BLTP1: variants seen among roughly 807,000 people sequenced by gnomAD.
BLTP1 encodes the protein fragile site-associated protein.
chr4:122,175,996 C>A, the BLTP1 span: 6 of 776,010 alleles, frequency 7.7e-6, no homozygotes, highest in Non-Finnish European at 1.3e-5. Context: ...TTAGATATGA[C>A]CAGTTAGAAA....
At chr4:122,234,232 C>A in the BLTP1 span, 2 of 601,568 alleles carry the variant, frequency 3.3e-6, no homozygotes, top group African/African-American at 2.0e-5. Flanking sequence ...AGGAGTAGAC[C>A]TCGATATTAT....
At chr4:122,343,001 C>CA in the BLTP1 span, among the ~76,000 whole-genome samples, 188 of 152,252 alleles carry the variant, frequency 1.2e-3, 1 homozygote, top group African/African-American at 4.5e-3. Context: ...GCCCTGTTTC[C>CA]ACTGCACCTA....
chr4:122,160,190 A>G, the BLTP1 span, among the ~76,000 whole-genome samples: 2 of 152,184 alleles, frequency 1.3e-5, no homozygotes, highest in African/African-American at 2.4e-5. Flanking sequence ...GCTTTTTGTA[A>G]TATTCATAGG....
At chr4:122,328,620 A>C in the BLTP1 span, 3 of 979,198 alleles carry the variant, frequency 3.1e-6, no homozygotes, top group Non-Finnish European at 3.6e-6. Flanking sequence ...TAAAATGGAA[A>C]TAAAGATGTG....
At chr4:122,319,387 G>A in the BLTP1 span, among the ~76,000 whole-genome samples, 44 of 151,532 alleles carry the variant, frequency 2.9e-4, no homozygotes, top group East Asian at 4.3e-3. Context: ...TTGCTGTGTC[G>A]CACTAATTTT....
chr4:122,168,157 G>C, the BLTP1 span, among the ~76,000 whole-genome samples: 1 of 152,108 alleles, frequency 6.6e-6, no homozygotes, highest in South Asian at 2.1e-4. Flanking sequence ...TTCTCTTAAA[G>C]GCTTTGCATT....
At chr4:122,183,180 A>G in the BLTP1 span, 1 of 429,912 alleles carries the variant, frequency 2.3e-6, no homozygotes. Flanking sequence ...TACAAAAAAT[A>G]CAAAAATTAG....
At chr4:122,252,211 C>T in the BLTP1 span, among the ~76,000 whole-genome samples, 1 of 152,176 alleles carries the variant, frequency 6.6e-6, no homozygotes, top group Admixed American at 6.5e-5. Context: ...TAGGTGTGAC[C>T]TAGCACGTTC....
chr4:122,159,887 T>A, the BLTP1 span, among the ~76,000 whole-genome samples: 2 of 152,228 alleles, frequency 1.3e-5, no homozygotes, highest in African/African-American at 4.8e-5. Flanking sequence ...ACCACATAAT[T>A]CTGTTGGGCT....
the BLTP1 span, among the ~76,000 whole-genome samples, chr4:122,173,475 T>C: frequency 6.6e-6 from 1 of 152,140 alleles, no homozygotes; most frequent in Non-Finnish European, 1.5e-5. Context: ...TAATCCTGAG[T>C]ACTTCCCAAA....
At chr4:122,325,289 G>A in the BLTP1 span, 1 of 1,609,134 alleles carries the variant, frequency 6.2e-7, no homozygotes, top group South Asian at 1.1e-5. Context: ...GCATCTCCTG[G>A]ACCTAGAGTA....
At chr4:122,166,077 A>G in the BLTP1 span, among the ~76,000 whole-genome samples, 1 of 152,042 alleles carries the variant, frequency 6.6e-6, no homozygotes, top group South Asian at 2.1e-4. Flanking sequence ...CTTTAGTTTA[A>G]TTAGATCCCA....
chr4:122,246,379 G>A, the BLTP1 span: 3 of 1,266,168 alleles, frequency 2.4e-6, no homozygotes, highest in African/African-American at 4.6e-5. Context: ...TTACCAACGT[G>A]AATAATGGTA....
the BLTP1 span, chr4:122,249,635 G>C: frequency 6.2e-7 from 1 of 1,613,714 alleles, no homozygotes; most frequent in Non-Finnish European, 8.5e-7. Context: ...CAAGAAAAAT[G>C]GGGATGGATA....
chr4:122,294,078 C>G, the BLTP1 span, among the ~76,000 whole-genome samples: 2 of 152,306 alleles, frequency 1.3e-5, no homozygotes, highest in South Asian at 4.1e-4. Flanking sequence ...TTCAGCAACT[C>G]CAACCAGAGT....
chr4:122,351,312 G>C, the BLTP1 span: 1 of 691,176 alleles, frequency 1.4e-6, no homozygotes, highest in Admixed American at 6.3e-5. Flanking sequence ...AAATCACTGT[G>C]AACACCTTAG....
At chr4:122,339,525 G>T in the BLTP1 span, 1 of 723,122 alleles carries the variant, frequency 1.4e-6, no homozygotes. Flanking sequence ...GAATATTTGA[G>T]GATTATTTAT....
At chr4:122,166,576 T>C in the BLTP1 span, among the ~76,000 whole-genome samples, 4 of 152,332 alleles carry the variant, frequency 2.6e-5, no homozygotes, top group East Asian at 5.8e-4. Flanking sequence ...TGGTTCCATA[T>C]GAACTTTAAA....
At chr4:122,349,479 C>G in the BLTP1 span, 2 of 1,593,412 alleles carry the variant, frequency 1.3e-6, no homozygotes, top group Non-Finnish European at 1.7e-6. The surrounding 1 kb of genome is among the most constrained non-coding windows in gnomAD (Gnocchi z 4.5). Flanking sequence ...AAATCAGCAA[C>G]CCAGTCACAA....
Sources: gnomAD v4.1 joint callset for allele counts (sites outside exome capture counted in the v4.1 genomes callset) on GRCh38, gnomAD v4.1.1 for gene constraint, Gnocchi (gnomAD v3.1) non-coding constraint, MANE v1.5 for transcripts, NCBI Gene and HGNC (gene_info 2026-07-23, HGNC 2026-07-21) for gene names.